DYRK2: variants seen among roughly 807,000 people sequenced by gnomAD.
DYRK2 encodes dual specificity tyrosine phosphorylation regulated kinase 2.
DYRK2 carries 12 observed loss-of-function variants against 41.6 expected under a neutral mutation model. The ratio of observed to expected loss-of-function variants is 0.29; its 90% CI spans 0.18 to 0.47. The LOEUF (loss-of-function observed/expected upper bound fraction) is 0.47. Among genes scored for constraint, DYRK2 ranks in the 20% least tolerant of loss-of-function variants. DYRK2 has a pLI of 1.00. For missense variants in DYRK2, 678 were observed against 798.4 expected (o/e 0.85, Z 1.82); for synonymous variants, 322 against 315.7 (o/e 1.02, Z -0.21).
rs758437734 is a variant in DYRK2 at position 67,658,556 on chromosome 12, T to C, written c.1649T>C (p.Val550Ala). The change falls in exon 3 of 3, where the codon GTG becomes GCG. Residue 550 changes from valine to alanine, a missense_variant. By Grantham distance (64) the Val-to-Ala change is moderately conservative (BLOSUM62 0). Around this residue, in one of 2 missense-constraint regions of DYRK2, gnomAD observed 393 missense variants for 519.1 expected, o/e 0.76. Transcript: ENST00000344096. This position sits in a 1 kb window ranked among gnomAD's most constrained non-coding sequence, Gnocchi z 4.3. ...PKPPTGEKTS[V>A]KRITESTGAI... ...CCTCCCACCGGGGAGAAAACGTCAG[T>C]GAAAAGGATAACTGAGAGCACCGGT... The C allele has an allele frequency of 1.2e-6, 2 of 1,613,882 alleles. No homozygotes were observed. The highest frequency in any genetic ancestry group is 1.3e-5 in the African/African-American group (1 of 74,892).
At chr12:67,650,646 G>A (rs1012296121) in intron 2 of DYRK2, among the ~76,000 whole-genome samples, 1 of 152,244 alleles carries the variant, frequency 6.6e-6, no homozygotes, top group Non-Finnish European at 1.5e-5. Flanking sequence ...TGTGGTCTCT[G>A]GGAGGGGAGA....
Position 67,657,267 on chromosome 12 carries a change from A to G in DYRK2, c.360A>G (p.Pro120=). 1 of 1,614,084 alleles carries G rather than the reference A, an allele frequency of 6.2e-7. No homozygotes were observed. Among genetic ancestry groups the G allele is most frequent in the Non-Finnish European group, 8.5e-7 (1 of 1,180,012 alleles). ...CAACAGTGGGCAAAACGGGCTTGCC[A>G]GTGGTGCCAGAGCGGCAGCTGGACA... The part of the protein sequence containing the change: ...GLTTVGKTGL[P]VVPERQLDSI... Residue 120 remains proline (P), a synonymous_variant, in exon 3 of 3, where the codon CCA becomes CCG. Coordinates refer to ENST00000344096, the MANE Select transcript of DYRK2 (RefSeq NM_006482.3). This position sits in a 1 kb window ranked among gnomAD's most constrained non-coding sequence, Gnocchi z 4.8.
rs1012648391 is a variant in DYRK2, at chr12:67,662,415, G to A, written c.*3702G>A. The A allele has an allele frequency of 6.0e-6, 1 of 166,850 alleles. No individual in the cohort carries two copies. Among genetic ancestry groups the A allele is most frequent in the Non-Finnish European group, 1.5e-5 (1 of 68,066 alleles). The allele number at this position is 166,850 out of a possible 1,614,324, so 10.3% of individuals were successfully genotyped here. ...TGACTGTAATATGCTGCAACTGTGT[G>A]TACTGAAAATATGTGAAAATGGTTG... is the stretch of plus-strand genomic sequence containing the variant. On this transcript the variant is annotated 3_prime_UTR_variant, in exon 3 of 3. Transcript: ENST00000344096.
intron 2 of DYRK2, among the ~76,000 whole-genome samples, 200 bp from the exon 3 acceptor site, chr12:67,656,906 G>A (rs533675167): frequency 1.3e-5 from 2 of 152,290 alleles, no homozygotes; most frequent in South Asian, 2.1e-4. Context: ...CCCTGAATAT[G>A]TACAGCAAAC....
chr12:67,658,279 T>G lies in DYRK2; in HGVS notation c.1372T>G (p.Ser458Ala). The G allele has an allele frequency of 6.2e-7, 1 of 1,614,138 alleles. No homozygotes were observed. The highest frequency in any genetic ancestry group is 1.3e-5 in the African/African-American group (1 of 75,034). The change falls in exon 3 of 3, where the codon TCC (serine) becomes GCC (alanine). Residue 458 changes from serine (S) to alanine (A), a missense_variant. Transcript: ENST00000344096. This position sits in a 1 kb window ranked among gnomAD's most constrained non-coding sequence, Gnocchi z 4.3. Reference protein sequence around the residue: ...ASKRAKNFVSSKGYPRYCTVT... With the variant: ...ASKRAKNFVSAKGYPRYCTVT... ...CAAACGAGCCAAAAATTTTGTGAGC[T>G]CCAAGGGTTATCCCCGTTACTGCAC... is the stretch of plus-strand genomic sequence containing the variant.
chr12:67,650,542 G>C (rs1038979994), intron 2 of DYRK2, among the ~76,000 whole-genome samples: 1 of 152,212 alleles, frequency 6.6e-6, no homozygotes, highest in Non-Finnish European at 1.5e-5. Flanking sequence ...GTCAAAACAA[G>C]CCACCCCTGT....
At position 67,658,165 on chromosome 12, in the gene DYRK2, C is replaced by T; in HGVS notation, c.1258C>T (p.Pro420Ser). 6.2e-7 allele frequency: 1 copy of T among 1,614,176 alleles called. No individual in the cohort carries two copies. The highest frequency in any genetic ancestry group is 8.5e-7 in the Non-Finnish European group (1 of 1,180,022). The change falls in exon 3 of 3, where the codon CCC becomes TCC. Residue 420 changes from proline (P) to serine (S), a missense_variant. This residue lies in a region of DYRK2 where 393 missense variants were observed against 519.1 expected (regional missense o/e 0.76). Coordinates refer to ENST00000344096, the MANE Select transcript of DYRK2 (RefSeq NM_006482.3). This position sits in a 1 kb window ranked among gnomAD's most constrained non-coding sequence, Gnocchi z 4.3. ...TTTAGCAGAGCTCCTGACGGGTTAC[C>T]CCCTCTTGCCTGGGGAAGATGAAGG... ...CILAELLTGYPLLPGEDEGDQ... is the reference protein window; with the variant it reads ...CILAELLTGYSLLPGEDEGDQ...
Position 67,660,092 on chromosome 12 carries a change from T to G in DYRK2, c.*1379T>G, listed in dbSNP as rs570192265. The stretch of plus-strand genomic sequence containing the variant: ...TTTTCACAGTGAAAATTTCAGTATT[T>G]TATCACTAATGTATGAGCAATGATC... On this transcript the variant is annotated 3_prime_UTR_variant, in exon 3 of 3. Transcript: ENST00000344096. 1.2e-5 allele frequency: 2 copies of G among 167,088 alleles called. No homozygotes were observed. Among genetic ancestry groups the G allele is most frequent in the Non-Finnish European group, 2.9e-5 (2 of 68,122 alleles). The allele number at this position is 167,088 out of a possible 1,614,324, so 10.4% of individuals were successfully genotyped here. A position where few individuals can be genotyped will look rare whatever the true frequency, so the allele number is the denominator to read the frequency against.
At chr12:67,655,900 GA>G (rs1872455672) in intron 2 of DYRK2, among the ~76,000 whole-genome samples, 1 of 152,130 alleles carries the variant, frequency 6.6e-6, no homozygotes, top group Non-Finnish European at 1.5e-5. Context: ...GGGGATAGTA[GA>G]AAAAATACTG....
At position 67,661,671 on chromosome 12, in the gene DYRK2, TA is replaced by T. The variant is rs1302160143; in HGVS notation, c.*2960del. The T allele has an allele frequency of 1.2e-5, 2 of 166,986 alleles. No homozygotes were observed. The highest frequency in any genetic ancestry group is 2.9e-5 in the Non-Finnish European group (2 of 68,086). 10.3% of individuals were successfully genotyped at this position (166,986 alleles called of 1,614,324 possible). On this transcript the variant is annotated 3_prime_UTR_variant, in exon 3 of 3. Transcript: ENST00000344096. The stretch of plus-strand genomic sequence containing the variant: ...TAGTTACAGGCCTTAATAGAAACCA[TA>T]AGGCATGACTCATCTTCAGGCACTG...
rs909983087 is a variant in DYRK2 at position 67,662,474 on chromosome 12, T to G, written c.*3761T>G. The G allele has an allele frequency of 1.2e-5, 2 of 166,848 alleles. No individual in the cohort carries two copies. Among genetic ancestry groups the G allele is most frequent in the Non-Finnish European group, 2.9e-5 (2 of 68,086 alleles). The allele number at this position is 166,848 out of a possible 1,614,324, so 10.3% of individuals were successfully genotyped here. On this transcript the variant is annotated 3_prime_UTR_variant, in exon 3 of 3. Coordinates refer to ENST00000344096, the MANE Select transcript of DYRK2 (RefSeq NM_006482.3). ...CTGTGTATATATGTATGTAAAAATT[T>G]CTGTGAGATGCTGCTGTCGCCACTT...
In DYRK2 at chr12:67,657,114, C is replaced by T. The variant is rs1294475623; in HGVS notation, c.207C>T (p.Gly69=). ...TCCTGTCTGAATTCCAGATTGGCGGCAGTAAGCACACAATGAATGATCACC... is the reference window on the plus strand; with the variant it reads ...TCCTGTCTGAATTCCAGATTGGCGGTAGTAAGCACACAATGAATGATCACC... ...NAAAAAHTIG[G]SKHTMNDHLH... is the part of the protein sequence containing the mutation. Residue 69 remains glycine, a synonymous_variant, in exon 3 of 3, where the codon GGC becomes GGT. Transcript: ENST00000344096. This position sits in a 1 kb window ranked among gnomAD's most constrained non-coding sequence, Gnocchi z 4.8. The T allele has an allele frequency of 4.5e-6, 7 of 1,547,314 alleles. No homozygotes were observed. The highest frequency in any genetic ancestry group is 6.1e-6 in the Non-Finnish European group (7 of 1,146,768).
rs1872535602 is a variant in DYRK2, at chr12:67,658,205, G to C, written c.1298G>C (p.Cys433Ser). Residue 433 changes from cysteine (C) to serine (S), a missense_variant, in exon 3 of 3, where the codon TGT (cysteine) becomes TCT (serine). By Grantham distance (112) the Cys-to-Ser change is moderately radical. Around this residue, in one of 2 missense-constraint regions of DYRK2, gnomAD observed 393 missense variants for 519.1 expected, o/e 0.76. Coordinates refer to ENST00000344096, the MANE Select transcript of DYRK2 (RefSeq NM_006482.3). This position sits in a 1 kb window ranked among gnomAD's most constrained non-coding sequence, Gnocchi z 4.3. ...GAAGATGAAGGGGACCAGCTGGCCT[G>C]TATGATTGAACTGTTGGGCATGCCC... Reference protein sequence around the residue: ...PGEDEGDQLACMIELLGMPSQ... With the variant: ...PGEDEGDQLASMIELLGMPSQ... The C allele has an allele frequency of 3.1e-6, 5 of 1,614,198 alleles. No individual in the cohort carries two copies. Among genetic ancestry groups the C allele is most frequent in the Non-Finnish European group, 4.2e-6 (5 of 1,180,048 alleles).
chr12:67,652,754 C>T (rs1872356264), intron 2 of DYRK2: 2 of 152,148 alleles, frequency 1.3e-5, no homozygotes, highest in South Asian at 4.1e-4. Context: ...TCAAAGAAGC[C>T]TTTGCAGGTC....
intron 2 of DYRK2, among the ~76,000 whole-genome samples, chr12:67,656,582 A>G (rs574121812): frequency 6.6e-6 from 1 of 152,276 alleles, no homozygotes; most frequent in Non-Finnish European, 1.5e-5. Flanking sequence ...GTTTCATCAG[A>G]TTTTCAAGGA....
chr12:67,649,262 C>T, intron 1 of DYRK2, 80 bp downstream of exon 1: 3 of 1,149,122 alleles, frequency 2.6e-6, no homozygotes, highest in Non-Finnish European at 3.3e-6. Flanking sequence ...GCGGCCGCTG[C>T]CTGCGGGACC....
In DYRK2 at chr12:67,651,734, A is replaced by G. The variant is rs770322161; in HGVS notation, c.198+1789A>G. On this transcript the variant is annotated intron_variant, in intron 2 of 2. Transcript: ENST00000344096. ...CATAGCAGATTTCATAGTACAGGAA[A>G]GGTTACAAGGACCACAGAGTTTATC... 4.5e-4 allele frequency: 178 copies of G among 398,108 alleles called. 1 individual carries two copies. Among genetic ancestry groups the G allele is most frequent in the Non-Finnish European group, 4.8e-4 (97 of 201,438 alleles). 24.7% of individuals were successfully genotyped at this position (398,108 alleles called of 1,614,324 possible).
intron 2 of DYRK2, among the ~76,000 whole-genome samples, chr12:67,653,441 A>G (rs1408200260): frequency 7.3e-6 from 1 of 137,606 alleles, no homozygotes; most frequent in Non-Finnish European, 1.7e-5. Flanking sequence ...ATGAATCTCT[A>G]ACATCTGGAA....
intron 2 of DYRK2, among the ~76,000 whole-genome samples, chr12:67,654,657 C>T (rs1345555178): frequency 6.6e-6 from 1 of 152,076 alleles, no homozygotes; most frequent in East Asian, 1.9e-4. Flanking sequence ...AGGATTCATT[C>T]GCAGGTGGAT....
Sources: gnomAD v4.1 joint callset for allele counts (sites outside exome capture counted in the v4.1 genomes callset) on GRCh38, gnomAD v4.1.1 for gene constraint, gnomAD v4.1.1 regional missense constraint, Gnocchi (gnomAD v3.1) non-coding constraint, MANE v1.5 for transcripts, NCBI Gene and HGNC (gene_info 2026-07-23, HGNC 2026-07-21) for gene names.